The following SPOCK3 variants were observed in gnomAD, a reference collection of about 807,000 sequenced individuals.
SPOCK3 encodes testican-3.
In SPOCK3, 30 loss-of-function variants were observed where a neutral mutation model predicts 56.6. The observed-to-expected ratio is 0.53, with a 90% CI of 0.40 to 0.72. The LOEUF is 0.72. Among genes scored for constraint, SPOCK3 ranks in the 30% least tolerant of loss-of-function variants. The pLI is 0.00. For missense variants in SPOCK3, 527 were observed against 530.0 expected (o/e 0.99, Z 0.06); for synonymous variants, 196 against 183.3 (o/e 1.07, Z -0.56).
chr4:166,955,723 C>T (rs1250049809), intron 4 of SPOCK3, among the ~76,000 whole-genome samples: 1 of 148,474 alleles, frequency 6.7e-6, no homozygotes, highest in Non-Finnish European at 1.5e-5. Context: ...TAATTTATAA[C>T]TATATTTATT....
intron 4 of SPOCK3, among the ~76,000 whole-genome samples, chr4:166,925,962 G>A (rs546148497): frequency 1.3e-5 from 2 of 152,150 alleles, no homozygotes; most frequent in South Asian, 4.1e-4. Context: ...ATATATCTAT[G>A]TCCCACTAGA....
rs962719524 is a variant in SPOCK3, at chr4:167,038,265, T to C, written c.235+24227A>G. Among the ~76,000 whole-genome samples the C allele has an allele frequency of 8.5e-5, 13 of 152,132 alleles. No individual in the cohort carries two copies. In the East Asian group the frequency reaches 9.6e-4, roughly 11 times the overall value. On this transcript the variant is annotated intron_variant, in intron 3 of 10. Coordinates refer to ENST00000357545, the MANE Select transcript of SPOCK3 (RefSeq NM_001040159.2). The stretch of plus-strand genomic sequence containing the variant: ...GTCTATATCATTAGGACACTTTCAG[T>C]TGGACATAAGAGAATTAAAAATGGT...
chr4:166,831,484 C>T (rs950517687), intron 6 of SPOCK3, among the ~76,000 whole-genome samples: 3 of 152,096 alleles, frequency 2.0e-5, no homozygotes, highest in Non-Finnish European at 2.9e-5. Context: ...AAAAGATATA[C>T]GGCTATTCAA....
chr4:166,974,355 A>G (rs1373778754), intron 4 of SPOCK3, among the ~76,000 whole-genome samples: 1 of 152,154 alleles, frequency 6.6e-6, no homozygotes, highest in Non-Finnish European at 1.5e-5. Context: ...AGATTTTGAA[A>G]TCTATTAATA....
At chr4:167,019,785 G>T (rs906023456) in intron 3 of SPOCK3, among the ~76,000 whole-genome samples, 6 of 151,968 alleles carry the variant, frequency 3.9e-5, no homozygotes, top group African/African-American at 1.4e-4. Flanking sequence ...CTTTTCTAAA[G>T]AATTATAACC....
intron 4 of SPOCK3, among the ~76,000 whole-genome samples, chr4:166,957,179 A>G (rs1333400409): frequency 6.6e-6 from 1 of 152,172 alleles, no homozygotes; most frequent in African/African-American, 2.4e-5. Context: ...ACTTGAGCCT[A>G]GGAGGCAGAA....
chr4:166,912,092 A>G (rs1034402937), intron 5 of SPOCK3, among the ~76,000 whole-genome samples: 3 of 152,140 alleles, frequency 2.0e-5, no homozygotes, highest in South Asian at 4.1e-4. Context: ...GGGAGGAACA[A>G]CAATGTAGAA....
intron 6 of SPOCK3, among the ~76,000 whole-genome samples, chr4:166,868,555 C>T (rs1045212865): frequency 4.6e-5 from 7 of 152,086 alleles, no homozygotes; most frequent in African/African-American, 1.4e-4. Flanking sequence ...TTCTTAAAAC[C>T]TATGTCCAGG....
At chr4:166,791,259 A>T (rs888218460) in intron 7 of SPOCK3, among the ~76,000 whole-genome samples, 2 of 152,358 alleles carry the variant, frequency 1.3e-5, no homozygotes, top group African/African-American at 4.8e-5. Context: ...ATGTGAAAAA[A>T]ATAAATAAGG....
intron 2 of SPOCK3, among the ~76,000 whole-genome samples, chr4:167,097,521 T>G (rs571313802): frequency 3.4e-4 from 52 of 151,990 alleles, no homozygotes; most frequent in Non-Finnish European, 6.5e-4. Context: ...GAGTAGAAGC[T>G]ATCTGCCACC....
chr4:166,889,315 G>T lies in SPOCK3; in HGVS notation c.475-71C>A, dbSNP rs1734523596. The T allele has an allele frequency of 4.1e-6, 4 of 975,526 alleles. No homozygotes were observed. In the African/African-American group the frequency reaches 5.0e-5, roughly 12 times the overall value. 60.4% of individuals were successfully genotyped at this position (975,526 alleles called of 1,614,324 possible). ...ATCAGTAAAACTCAAGAAATTTTTA[G>T]AAAGAAAGGTAATTTTTGATGCATA... is the stretch of plus-strand genomic sequence containing the variant. On this transcript the variant is annotated intron_variant, in intron 5 of 10. Transcript: ENST00000357545.
At chr4:166,767,326 A>G (rs1738230870) in intron 7 of SPOCK3, among the ~76,000 whole-genome samples, 1 of 136,122 alleles carries the variant, frequency 7.3e-6, no homozygotes, top group Admixed American at 7.9e-5. Flanking sequence ...GTGGGCATTT[A>G]GTGCTATAAA....
intron 2 of SPOCK3, chr4:167,083,158 T>A: frequency 1.3e-6 from 1 of 764,530 alleles, no homozygotes; most frequent in South Asian, 1.3e-5. Flanking sequence ...TAGGCTGTTC[T>A]TCCTACAGAC....
intron 7 of SPOCK3, among the ~76,000 whole-genome samples, chr4:166,775,630 G>T (rs914870936): frequency 1.3e-5 from 2 of 152,136 alleles, no homozygotes; most frequent in African/African-American, 4.8e-5. Context: ...ACAGCTAGAA[G>T]AAAAAGTATC....
intron 4 of SPOCK3, among the ~76,000 whole-genome samples, chr4:166,946,423 C>T (rs1390024999): frequency 2.0e-5 from 3 of 152,202 alleles, no homozygotes; most frequent in Admixed American, 6.5e-5. Context: ...CCTGCTCCTG[C>T]GCGTTGGCCT....
At chr4:167,030,828 A>G (rs1752205690) in intron 3 of SPOCK3, among the ~76,000 whole-genome samples, 1 of 152,018 alleles carries the variant, frequency 6.6e-6, no homozygotes. Context: ...AGTTTCTAGC[A>G]AGGACACTTT....
At chr4:166,809,416 T>C (rs4143465) in intron 6 of SPOCK3, among the ~76,000 whole-genome samples, 52,692 of 151,632 alleles carry the variant, frequency 0.35, 10,547 homozygotes, top group East Asian at 0.73. Flanking sequence ...AATATTTAGG[T>C]CATTCTCCTC....
At chr4:166,967,934 G>A (rs956128356) in intron 4 of SPOCK3, among the ~76,000 whole-genome samples, 3 of 152,208 alleles carry the variant, frequency 2.0e-5, no homozygotes, top group Non-Finnish European at 4.4e-5. Flanking sequence ...CCAGACTGAG[G>A]TGGTCTCAGA....
At chr4:166,871,848 T>A (rs1323738054) in intron 6 of SPOCK3, among the ~76,000 whole-genome samples, 3 of 150,980 alleles carry the variant, frequency 2.0e-5, no homozygotes, top group Non-Finnish European at 4.4e-5. Flanking sequence ...GAGTAAGCAG[T>A]ATTCCAAGAA....
Sources: gnomAD v4.1 joint callset for allele counts (sites outside exome capture counted in the v4.1 genomes callset) on GRCh38, gnomAD v4.1.1 for gene constraint, MANE v1.5 for transcripts, NCBI Gene and HGNC (gene_info 2026-07-23, HGNC 2026-07-21) for gene names.